CENPE: variants seen among roughly 807,000 people sequenced by gnomAD.
The protein encoded by CENPE is centromere-associated protein E.
A neutral mutation model predicts 336.1 loss-of-function variants in CENPE; 145 were observed. That is an observed-to-expected ratio of 0.43 (90% confidence interval 0.38 to 0.50). CENPE has a LOEUF of 0.50. Among genes scored for constraint, CENPE ranks in the 20% least tolerant of loss-of-function variants. The pLI is 0.00. For missense variants in CENPE, 2,719 were observed against 3,023.3 expected (o/e 0.90, Z 2.36); for synonymous variants, 1,013 against 984.8 (o/e 1.03, Z -0.54).
chr4:103,127,468 A>G (rs796987249), intron 42 of CENPE, among the ~76,000 whole-genome samples: 6 of 152,258 alleles, frequency 3.9e-5, no homozygotes, highest in African/African-American at 1.4e-4. Context: ...TTCAGAGGAA[A>G]GGAAAATGAT....
intron 21 of CENPE, among the ~76,000 whole-genome samples, chr4:103,159,790 T>C (rs1560643879): frequency 6.6e-6 from 1 of 151,560 alleles, no homozygotes. Context: ...GTATGGTCCA[T>C]GAAAAAAATA....
chr4:103,197,932 G>A (rs1274416176), intron 1 of CENPE, among the ~76,000 whole-genome samples: 2 of 152,256 alleles, frequency 1.3e-5, no homozygotes, highest in South Asian at 4.1e-4. Context: ...ACTGTGATGA[G>A]GGCCAGGAAG....
chr4:103,153,181 C>T lies in CENPE; in HGVS notation c.3103G>A (p.Asp1035Asn), dbSNP rs1163017571. ...CTTTGTTGCTCAATTATCTCATTAT[C>T]CTTAACATCTGCAGTTAGTGTTTGG... ...NTQTLTADVK[D>N]NEIIEQQRKI... The change falls in exon 25 of 49, where the codon GAT (aspartate) becomes AAT (asparagine). Residue 1035 changes from aspartate (D) to asparagine (N), a missense_variant. By Grantham distance (23) the Asp-to-Asn change is conservative. Transcript: ENST00000265148. 1 of 1,612,988 alleles carries T rather than the reference C, an allele frequency of 6.2e-7. No individual in the cohort carries two copies. Among genetic ancestry groups the T allele is most frequent in the South Asian group, 1.1e-5 (1 of 91,012 alleles).
intron 29 of CENPE, among the ~76,000 whole-genome samples, chr4:103,147,010 A>C (rs1361704018): frequency 6.6e-6 from 1 of 152,248 alleles, no homozygotes; most frequent in Non-Finnish European, 1.5e-5. Flanking sequence ...ATGAGAAAGC[A>C]CAGTAGTGCT....
chr4:103,138,093 C>A (rs183430730), intron 39 of CENPE, among the ~76,000 whole-genome samples: 1 of 152,252 alleles, frequency 6.6e-6, no homozygotes, highest in Admixed American at 6.5e-5. Context: ...ATCTGTATGG[C>A]CTGACCCTTT....
chr4:103,147,306 T>G, intron 29 of CENPE, 50 bp downstream of exon 29: 1 of 1,467,110 alleles, frequency 6.8e-7, no homozygotes, highest in Non-Finnish European at 9.3e-7. Context: ...AACACAAGCC[T>G]TGATTCTTAT....
intron 46 of CENPE, among the ~76,000 whole-genome samples, chr4:103,112,128 G>A (rs1161546115): frequency 6.6e-6 from 1 of 151,086 alleles, no homozygotes; most frequent in East Asian, 1.9e-4. Flanking sequence ...ATATATATGT[G>A]TGAGCATAAC....
Position 103,195,155 on chromosome 4 carries a change from T to C in CENPE, c.436A>G (p.Thr146Ala), listed in dbSNP as rs199542061. 19 of 1,593,516 alleles carry C rather than the reference T, an allele frequency of 1.2e-5. No individual in the cohort carries two copies. The highest frequency in any genetic ancestry group is 1.6e-5 in the Non-Finnish European group (19 of 1,173,530). Residue 146 changes from threonine to alanine, a missense_variant, in exon 5 of 49, where the codon ACT becomes GCT. This residue lies in a region of CENPE where 106 missense variants were observed against 189.3 expected (regional missense o/e 0.56). Coordinates refer to ENST00000265148, the MANE Select transcript of CENPE (RefSeq NM_001813.3). The stretch of plus-strand genomic sequence containing the variant: ...ATAATTAAAGGTTTCATTTTTTGAG[T>C]GCCACAGAGTAAATCTGTAATGGTT... Reference protein sequence around the residue: ...NETITDLLCGTQKMKPLIIRE... With the variant: ...NETITDLLCGAQKMKPLIIRE...
At chr4:103,190,016 A>G (rs1248736921) in intron 8 of CENPE, among the ~76,000 whole-genome samples, 1 of 152,224 alleles carries the variant, frequency 6.6e-6, no homozygotes, top group East Asian at 1.9e-4. Flanking sequence ...ACAGAGAGAC[A>G]AATCATGAGT....
intron 47 of CENPE, among the ~76,000 whole-genome samples, chr4:103,109,690 C>A (rs1383323278): frequency 6.6e-6 from 1 of 152,136 alleles, no homozygotes; most frequent in African/African-American, 2.4e-5. Context: ...TGGGGCCAAG[C>A]TAGTCCATGC....
intron 24 of CENPE, among the ~76,000 whole-genome samples, chr4:103,154,218 T>C (rs934251890): frequency 1.3e-5 from 2 of 151,674 alleles, no homozygotes; most frequent in Non-Finnish European, 2.9e-5. Flanking sequence ...TCATCCACTG[T>C]CACCAACTTC....
chr4:103,181,385 C>A lies in CENPE; in HGVS notation c.1035G>T (p.Leu345=). 6.4e-7 allele frequency: 1 copy of A among 1,564,606 alleles called. No homozygotes were observed. Among genetic ancestry groups the A allele is most frequent in the South Asian group, 1.2e-5 (1 of 85,952 alleles). Residue 345 remains leucine, a synonymous_variant, in exon 12 of 49, where the codon CTG becomes CTT. Transcript: ENST00000265148. ...VNEVSTDEAL[L]KRYRKEIMDL... ...CCATTATTTCTTTTCTATACCTTTT[C>A]AGGAGAGCTTCATCAGTTGATACCT...
intron 9 of CENPE, among the ~76,000 whole-genome samples, chr4:103,184,969 C>CA (rs1430221123): frequency 1.3e-5 from 2 of 152,032 alleles, no homozygotes; most frequent in African/African-American, 4.8e-5. Flanking sequence ...TATGCTTCTC[C>CA]ATTTTTTCAA....
chr4:103,116,521 G>T, intron 45 of CENPE, 56 bp downstream of exon 45: 1 of 808,652 alleles, frequency 1.2e-6, no homozygotes, highest in Non-Finnish European at 2.0e-6. Context: ...AGTATATGTA[G>T]TTTAGGAAGA....
intron 25 of CENPE, among the ~76,000 whole-genome samples, chr4:103,152,452 A>C (rs1291002733): frequency 1.3e-5 from 2 of 152,220 alleles, no homozygotes; most frequent in Admixed American, 1.3e-4. Flanking sequence ...TTACTTTGGA[A>C]ATCAGTCTAG....
intron 8 of CENPE, among the ~76,000 whole-genome samples, chr4:103,190,802 A>G (rs955259565): frequency 1.3e-5 from 2 of 152,222 alleles, no homozygotes; most frequent in African/African-American, 2.4e-5. Context: ...ATGGGATCTA[A>G]GTAAACTAAA....
intron 28 of CENPE, among the ~76,000 whole-genome samples, chr4:103,148,093 T>C (rs1753218413): frequency 6.6e-6 from 1 of 152,226 alleles, no homozygotes; most frequent in Non-Finnish European, 1.5e-5. Context: ...CACAAACTGC[T>C]CATTATTCAT....
rs764138737 is a variant in CENPE, at chr4:103,136,321, A to T, written c.6342T>A (p.Tyr2114Ter). The part of the protein sequence containing the change: ...LKRYSEMDDH[Y>*]ECLNRLSLDL... ...CAAGAGACAATCTATTCAAGCACTC[A>T]TAATGATCATCCATCTCTGAGTATC... The change falls in exon 40 of 49, where the codon TAT becomes TAA. Residue 2114 changes from tyrosine (Y) to a stop codon, truncating the protein, a stop_gained. Transcript: ENST00000265148. LOFTEE classifies it high-confidence loss of function. 3 of 1,612,398 alleles carry T rather than the reference A, an allele frequency of 1.9e-6. No individual in the cohort carries two copies. In the African/African-American group the frequency reaches 4.0e-5, roughly 22 times the overall value.
chr4:103,197,088 A>G (rs1235312650), intron 1 of CENPE, among the ~76,000 whole-genome samples: 2 of 152,346 alleles, frequency 1.3e-5, no homozygotes, highest in East Asian at 3.9e-4. Context: ...ACTGGTAAAC[A>G]AAGGGATGGA....
Sources: allele counts gnomAD v4.1 joint callset (sites outside exome capture counted in the v4.1 genomes callset), GRCh38; gene constraint gnomAD v4.1.1; regional missense constraint gnomAD v4.1.1; transcripts MANE v1.5; gene names NCBI Gene and HGNC (gene_info 2026-07-23, HGNC 2026-07-21).